PLCH1: variants seen among roughly 807,000 people sequenced by gnomAD.
PLCH1 encodes the protein 1-phosphatidylinositol 4,5-bisphosphate phosphodiesterase eta-1.
Under a neutral mutation model 126.7 loss-of-function variants are expected in PLCH1, and 60 were observed. That is an observed-to-expected ratio of 0.47 (90% CI 0.38 to 0.59). The LOEUF is 0.59. Among genes scored for constraint, PLCH1 ranks in the 20% least tolerant of loss-of-function variants. The pLI is 0.00. For missense variants in PLCH1, 1,723 were observed against 2,040.0 expected, an observed-to-expected ratio of 0.84 and a Z score of 2.99; for synonymous variants, 719 against 734.9, an observed-to-expected ratio of 0.98 and a Z score of 0.35.
chr3:155,622,936 C>T (rs1486289968), intron 2 of PLCH1, among the ~76,000 whole-genome samples: 1 of 152,158 alleles, frequency 6.6e-6, no homozygotes. Context: ...ACAGAACTCT[C>T]CACCCCAAAT....
intron 1 of PLCH1, among the ~76,000 whole-genome samples, chr3:155,739,473 G>A (rs760516691): frequency 1.9e-4 from 29 of 151,978 alleles, no homozygotes; most frequent in Non-Finnish European, 2.2e-4. Flanking sequence ...AGCCCACATC[G>A]TTTATAAACA....
At chr3:155,490,250 T>C (rs1393358674) in intron 19 of PLCH1, among the ~76,000 whole-genome samples, 1 of 152,132 alleles carries the variant, frequency 6.6e-6, no homozygotes, top group Non-Finnish European at 1.5e-5. Context: ...TAAAAAGACA[T>C]GAGGCTTGGG....
At chr3:155,469,269 G>C (rs36174368) in intron 21 of PLCH1, among the ~76,000 whole-genome samples, 1 of 152,186 alleles carries the variant, frequency 6.6e-6, no homozygotes, top group African/African-American at 2.4e-5. Context: ...CTTGGGAAGC[G>C]CAAGGGGTCA....
chr3:155,660,835 G>A (rs1045650866), intron 2 of PLCH1, among the ~76,000 whole-genome samples: 7 of 152,070 alleles, frequency 4.6e-5, no homozygotes, highest in Non-Finnish European at 8.8e-5. Context: ...TGTATCTCAG[G>A]ATGAGTGACT....
chr3:155,608,482 T>C (rs1734633129), intron 2 of PLCH1, among the ~76,000 whole-genome samples: 2 of 151,590 alleles, frequency 1.3e-5, no homozygotes, highest in South Asian at 4.2e-4. Flanking sequence ...GCATATAAAC[T>C]GCACGAAGCT....
intron 2 of PLCH1, among the ~76,000 whole-genome samples, chr3:155,610,262 G>T (rs967216902): frequency 1.3e-5 from 2 of 150,812 alleles, no homozygotes; most frequent in Non-Finnish European, 3.0e-5. Flanking sequence ...TCAGGAGACT[G>T]AGGCAGGAGA....
chr3:155,522,967 G>T (rs1340866243), intron 11 of PLCH1, among the ~76,000 whole-genome samples: 1 of 149,424 alleles, frequency 6.7e-6, no homozygotes, highest in Non-Finnish European at 1.5e-5. Context: ...TTTTTGCGGG[G>T]GGGGTGGGGT....
Position 155,490,852 on chromosome 3 carries a change from A to G in PLCH1, c.2324T>C (p.Val775Ala). 6.4e-7 allele frequency: 1 copy of G among 1,571,252 alleles called. No individual in the cohort carries two copies. Among genetic ancestry groups the G allele is most frequent in the Non-Finnish European group, 8.8e-7 (1 of 1,141,454 alleles). Reference sequence around the variant, plus strand: ...TGGCAATCCAATAATTTCAACTTCAACAAAAGGGTCAATGATCTATTAAGT... The same window carrying G: ...TGGCAATCCAATAATTTCAACTTCAGCAAAAGGGTCAATGATCTATTAAGT... The part of the protein sequence containing the change: ...GDRGEIIDPF[V>A]EVEIIGLPVD... The change falls in exon 19 of 23, where the codon GTT (valine) becomes GCT (alanine). Residue 775 changes from valine to alanine, a missense_variant. Val to Ala is a moderately conservative substitution (Grantham distance 64). Transcript: ENST00000460012.
intron 2 of PLCH1, among the ~76,000 whole-genome samples, chr3:155,622,124 A>C (rs1251897670): frequency 1.3e-5 from 2 of 152,270 alleles, no homozygotes; most frequent in African/African-American, 4.8e-5. Context: ...TCCTAAAAAA[A>C]GAATTTTCAA....
In PLCH1 at chr3:155,482,438, A is replaced by T. The variant is rs191671594; in HGVS notation, c.3588T>A (p.Asp1196Glu). 104 of 1,614,070 alleles carry T rather than the reference A, an allele frequency of 6.4e-5. No individual in the cohort carries two copies. The Admixed American group carries it at 1.2e-3, about 19-fold the overall frequency. Residue 1196 changes from aspartate to glutamate, a missense_variant, in exon 23 of 23, where the codon GAT becomes GAA. Around this residue, in one of 2 missense-constraint regions of PLCH1, gnomAD observed 947 missense variants for 977.1 expected, o/e 0.97. Coordinates refer to ENST00000460012, the MANE Select transcript of PLCH1 (RefSeq NM_014996.4). ...CTGTGAGAGCCTGATTGTTGGTCTC[A>T]TCAAACTGGCCAATCAGGGCTGAGA... Reference protein sequence around the residue: ...SSISALIGQFDETNNQALTVV... With the variant: ...SSISALIGQFEETNNQALTVV...
At chr3:155,588,917 C>A (rs189866621) in intron 4 of PLCH1, among the ~76,000 whole-genome samples, 98 of 152,234 alleles carry the variant, frequency 6.4e-4, no homozygotes, top group Admixed American at 1.6e-3. Context: ...ATGAAAAAAC[C>A]ATTCTTTCCA....
At chr3:155,491,311 CG>C (rs1179729351) in intron 18 of PLCH1, among the ~76,000 whole-genome samples, 1 of 152,076 alleles carries the variant, frequency 6.6e-6, no homozygotes, top group African/African-American at 2.4e-5. Context: ...TAGCTCAGGT[CG>C]GAGTGCAGTG....
At chr3:155,584,771 A>G (rs2108601203) in intron 5 of PLCH1, among the ~76,000 whole-genome samples, 1 of 152,346 alleles carries the variant, frequency 6.6e-6, no homozygotes, top group South Asian at 2.1e-4. Flanking sequence ...TGGGTCAATT[A>G]TGAACAAATG....
intron 12 of PLCH1, among the ~76,000 whole-genome samples, chr3:155,511,995 A>G (rs927830029): frequency 1.3e-5 from 2 of 151,570 alleles, no homozygotes; most frequent in African/African-American, 2.4e-5. Context: ...TGTGTTAGCA[A>G]TCAGCGAGAT....
intron 2 of PLCH1, among the ~76,000 whole-genome samples, chr3:155,631,735 C>T (rs1242916079): frequency 1.3e-5 from 2 of 152,148 alleles, no homozygotes; most frequent in African/African-American, 4.8e-5. Flanking sequence ...ACAACTAGAC[C>T]TACATCTTCT....
At chr3:155,540,267 C>T (rs1724056710) in intron 10 of PLCH1, among the ~76,000 whole-genome samples, 1 of 152,068 alleles carries the variant, frequency 6.6e-6, no homozygotes, top group Non-Finnish European at 1.5e-5. Flanking sequence ...TTAAATATAA[C>T]ACCTGAAACC....
chr3:155,736,905 A>T (rs754449896), intron 1 of PLCH1, among the ~76,000 whole-genome samples: 4 of 151,256 alleles, frequency 2.6e-5, no homozygotes, highest in Admixed American at 6.6e-5. Flanking sequence ...TTTATGTATT[A>T]AGTTGAAAGC....
Position 155,623,877 on chromosome 3 carries a change from C to G in PLCH1, c.80-27499G>C, listed in dbSNP as rs142687149. 5.1e-3 allele frequency among the ~76,000 whole-genome samples: 779 copies of G among 152,156 alleles called. 8 individuals are homozygous for G. Among genetic ancestry groups the G allele is most frequent in the African/African-American group, 0.018 (740 of 41,522 alleles). ...ACTATTCCAAACAATAGAAAAAGAG[C>G]GAATCCTCCCTAACTCATTTTACGA... On this transcript the variant is annotated intron_variant, in intron 2 of 22. Coordinates refer to ENST00000460012, the MANE Select transcript of PLCH1 (RefSeq NM_014996.4).
chr3:155,528,884 C>A (rs187990402), intron 10 of PLCH1, among the ~76,000 whole-genome samples: 1 of 152,122 alleles, frequency 6.6e-6, no homozygotes, highest in Non-Finnish European at 1.5e-5. Context: ...AATTTTCAGT[C>A]CTTTAAAAAT....
Sources: gnomAD v4.1 joint callset for allele counts (sites outside exome capture counted in the v4.1 genomes callset) on GRCh38, gnomAD v4.1.1 for gene constraint, gnomAD v4.1.1 regional missense constraint, MANE v1.5 for transcripts, NCBI Gene and HGNC (gene_info 2026-07-23, HGNC 2026-07-21) for gene names.